IL1RAPL1: variants seen among roughly 807,000 people sequenced by gnomAD.
IL1RAPL1 encodes the protein interleukin 1 receptor accessory protein like 1.
IL1RAPL1 carries 3 observed loss-of-function variants against 48.4 expected under a neutral mutation model. That is an observed-to-expected ratio of 0.06 (90% confidence interval 0.03 to 0.16). The LOEUF (loss-of-function observed/expected upper bound fraction) is 0.16, where lower values mean the gene tolerates loss of function less well. Among genes scored for constraint, IL1RAPL1 ranks in the 10% least tolerant of loss-of-function variants. The probability of loss-of-function intolerance (pLI) is 1.00; values close to 1 mark genes in which losing one functional copy is unlikely to be tolerated. For missense variants in IL1RAPL1, 349 were observed against 530.6 expected (o/e 0.66, Z 3.36); for synonymous variants, 185 against 187.7 (o/e 0.99, Z 0.12).
At chrX:29,593,427 T>A (rs1203505057) in intron 5 of IL1RAPL1, among the ~76,000 whole-genome samples, 1 of 112,041 alleles carries the variant, frequency 8.9e-6, no homozygotes, top group Non-Finnish European at 1.9e-5. Flanking sequence ...GTGGAAAACT[T>A]TGCCTTGTAT....
chrX:28,783,706 A>G (rs1293057883), intron 1 of IL1RAPL1, among the ~76,000 whole-genome samples: 3 of 111,086 alleles, frequency 2.7e-5, no homozygotes, highest in East Asian at 5.7e-4. Context: ...TTTCTGTCCT[A>G]CTCTACCTGT....
chrX:29,171,627 C>G (rs776553515), intron 2 of IL1RAPL1, among the ~76,000 whole-genome samples: 2 of 111,677 alleles, frequency 1.8e-5, no homozygotes, highest in East Asian at 2.8e-4. Context: ...AAGATTATAG[C>G]TATAGAATTA....
At chrX:29,568,900 T>C (rs1922499780) in intron 5 of IL1RAPL1, among the ~76,000 whole-genome samples, 1 of 111,087 alleles carries the variant, frequency 9.0e-6, no homozygotes, top group Non-Finnish European at 1.9e-5. Context: ...CAGCCCAGTG[T>C]CACTTGATTA....
chrX:28,719,525 G>T (rs1197193947), intron 1 of IL1RAPL1, among the ~76,000 whole-genome samples: 1 of 109,935 alleles, frequency 9.1e-6, no homozygotes, highest in Non-Finnish European at 1.9e-5. Flanking sequence ...AGAATAGACA[G>T]TTTTTTTTTA....
At chrX:28,850,816 A>G (rs1601930835) in intron 2 of IL1RAPL1, among the ~76,000 whole-genome samples, 1 of 106,247 alleles carries the variant, frequency 9.4e-6, no homozygotes, top group Non-Finnish European at 1.9e-5. Flanking sequence ...GTAGTCCTAA[A>G]CTTATATACC....
At chrX:28,617,334 C>T (rs12688555) in intron 1 of IL1RAPL1, among the ~76,000 whole-genome samples, 49,893 of 109,814 alleles carry the variant, frequency 0.45, 8,254 homozygotes, top group East Asian at 0.62. Flanking sequence ...TCCCTACTTT[C>T]GCCATACTGT....
chrX:29,106,553 T>G (rs1017575658), intron 2 of IL1RAPL1, among the ~76,000 whole-genome samples: 8 of 111,750 alleles, frequency 7.2e-5, no homozygotes, highest in African/African-American at 2.6e-4. Flanking sequence ...CCAAACATCA[T>G]ACAATGTGAT....
intron 2 of IL1RAPL1, among the ~76,000 whole-genome samples, chrX:28,833,348 G>C (rs1921119036): frequency 9.0e-6 from 1 of 111,671 alleles, no homozygotes; most frequent in South Asian, 3.7e-4. Context: ...TCAGTAATGA[G>C]ATTGCTGGGT....
At chrX:29,616,435 C>T (rs887677192) in intron 5 of IL1RAPL1, among the ~76,000 whole-genome samples, 9 of 108,259 alleles carry the variant, frequency 8.3e-5, no homozygotes, top group African/African-American at 2.4e-4. Context: ...CCCATTAACT[C>T]GTCATTTAAC....
At chrX:28,727,670 T>C (rs867244599) in intron 1 of IL1RAPL1, among the ~76,000 whole-genome samples, 72 of 105,461 alleles carry the variant, frequency 6.8e-4, no homozygotes, top group Middle Eastern at 4.9e-3. Context: ...TGGCTGTGGG[T>C]TTGTCATAGA....
intron 5 of IL1RAPL1, among the ~76,000 whole-genome samples, chrX:29,432,968 A>G (rs1322776728): frequency 2.7e-5 from 3 of 110,719 alleles, no homozygotes; most frequent in Admixed American, 9.6e-5. Flanking sequence ...GTGTTTCTCA[A>G]CCTTTTAAAA....
chrX:29,942,619 ATT>A (rs748964603), intron 9 of IL1RAPL1, among the ~76,000 whole-genome samples: 10 of 102,047 alleles, frequency 9.8e-5, no homozygotes, highest in Admixed American at 3.2e-4. Context: ...TTTCTTCATC[ATT>A]TTTTTTTTTT....
chrX:29,342,152 G>GTGTT (rs547708917), intron 3 of IL1RAPL1, among the ~76,000 whole-genome samples: 1 of 95,270 alleles, frequency 1.0e-5, no homozygotes, highest in African/African-American at 4.7e-5. Context: ...GTGTGTGTGT[G>GTGTT]TGTTTGTTTT....
intron 2 of IL1RAPL1, among the ~76,000 whole-genome samples, chrX:29,089,905 C>T (rs1928051861): frequency 9.7e-6 from 1 of 103,394 alleles, no homozygotes; most frequent in African/African-American, 3.5e-5. Context: ...TTCAGGTCAG[C>T]ATGCTCAAAA....
At chrX:28,742,426 A>T (rs1334478236) in intron 1 of IL1RAPL1, among the ~76,000 whole-genome samples, 1 of 111,614 alleles carries the variant, frequency 9.0e-6, no homozygotes, top group Non-Finnish European at 1.9e-5. Context: ...GAATACAAAG[A>T]TGAAAATGTA....
chrX:29,718,332 A>T (rs946739838), intron 6 of IL1RAPL1, among the ~76,000 whole-genome samples: 1 of 110,152 alleles, frequency 9.1e-6, no homozygotes. Flanking sequence ...GGAAACCATC[A>T]TTCTCAGCAA....
At chrX:28,654,199 T>C (rs1006243452) in intron 1 of IL1RAPL1, among the ~76,000 whole-genome samples, 2 of 99,446 alleles carry the variant, frequency 2.0e-5, no homozygotes, top group African/African-American at 3.9e-5. Context: ...TGTACTTCTT[T>C]GGTTAAAAAA....
At chrX:29,138,270 G>A (rs1929170768) in intron 2 of IL1RAPL1, among the ~76,000 whole-genome samples, 1 of 111,620 alleles carries the variant, frequency 9.0e-6, no homozygotes, top group South Asian at 3.7e-4. Context: ...ACCCTTTACT[G>A]CATGATATCA....
intron 2 of IL1RAPL1, among the ~76,000 whole-genome samples, chrX:28,861,187 A>G (rs1921934581): frequency 8.9e-6 from 1 of 111,909 alleles, no homozygotes; most frequent in Non-Finnish European, 1.9e-5. Context: ...TAAGCTAAGA[A>G]TGTCAAAAGG....
Sources: gnomAD v4.1 joint callset for allele counts (sites outside exome capture counted in the v4.1 genomes callset) on GRCh38, gnomAD v4.1.1 for gene constraint, MANE v1.5 for transcripts, NCBI Gene and HGNC (gene_info 2026-07-23, HGNC 2026-07-21) for gene names.